Variants in GSK3B observed in about 807,000 individuals in gnomAD.
The protein encoded by GSK3B is glycogen synthase kinase 3 beta.
GSK3B carries 15 observed loss-of-function variants against 56.4 expected under a neutral mutation model. That is an observed-to-expected ratio of 0.27 (90% CI 0.18 to 0.41). The LOEUF is 0.41. Among genes scored for constraint, GSK3B ranks in the 10% least tolerant of loss-of-function variants. The pLI is 1.00. For synonymous variants in GSK3B, 181 were observed against 188.9 expected (o/e 0.96, Z 0.34); for missense variants, 300 against 513.4 (o/e 0.58, Z 4.02).
chr3:119,848,831 T>A (rs978729007), intron 9 of GSK3B, among the ~76,000 whole-genome samples: 2 of 152,222 alleles, frequency 1.3e-5, no homozygotes, highest in African/African-American at 2.4e-5. Flanking sequence ...CTGAGAAAAC[T>A]ATTCATTTTC....
chr3:119,966,546 G>C (rs1039471229), intron 2 of GSK3B, among the ~76,000 whole-genome samples: 1 of 152,176 alleles, frequency 6.6e-6, no homozygotes, highest in Admixed American at 6.5e-5. Context: ...ATGGAAAAGA[G>C]GCACAGGCAA....
intron 2 of GSK3B, among the ~76,000 whole-genome samples, chr3:119,952,495 AAAAAAAAAG>A (rs1247582442): frequency 6.7e-6 from 1 of 149,376 alleles, no homozygotes; most frequent in Non-Finnish European, 1.5e-5. Flanking sequence ...CTCAAAAAAA[AAAAAAAAAG>A]AAAAGAAAGA....
intron 8 of GSK3B, among the ~76,000 whole-genome samples, chr3:119,870,716 G>A (rs2056240390): frequency 6.6e-6 from 1 of 152,180 alleles, no homozygotes; most frequent in Non-Finnish European, 1.5e-5. Context: ...AGAACTTTCA[G>A]TAGAGAACAT....
chr3:119,863,922 T>C (rs2056142919), intron 8 of GSK3B, among the ~76,000 whole-genome samples: 1 of 152,208 alleles, frequency 6.6e-6, no homozygotes, highest in Non-Finnish European at 1.5e-5. Flanking sequence ...AAAAATATTT[T>C]TTAAATTTTA....
At chr3:119,922,228 G>GAGAAGGAAGGAAGGAA (rs1553733662) in intron 4 of GSK3B, among the ~76,000 whole-genome samples, 1 of 61,490 alleles carries the variant, frequency 1.6e-5, no homozygotes, top group African/African-American at 9.0e-5. Context: ...GAAGGAAGGA[G>GAGAAGGAAGGAAGGAA]GGAAGGAAGG....
At chr3:119,965,390 C>T (rs1050864337) in intron 2 of GSK3B, among the ~76,000 whole-genome samples, 3 of 147,520 alleles carry the variant, frequency 2.0e-5, no homozygotes, top group Non-Finnish European at 4.5e-5. Flanking sequence ...TTTATAGAGA[C>T]AAGGTCTCTA....
At chr3:119,911,386 C>A (rs543434434) in intron 6 of GSK3B, among the ~76,000 whole-genome samples, 2 of 152,278 alleles carry the variant, frequency 1.3e-5, no homozygotes, top group African/African-American at 4.8e-5. Flanking sequence ...ATACATTCAG[C>A]ATCATTCTTA....
chr3:119,864,050 A>G (rs1429788409), intron 8 of GSK3B, among the ~76,000 whole-genome samples: 1 of 152,196 alleles, frequency 6.6e-6, no homozygotes, highest in Non-Finnish European at 1.5e-5. Context: ...AACAGAAGAG[A>G]AAGAAGAGCT....
At chr3:119,956,782 G>A (rs1253740293) in intron 2 of GSK3B, among the ~76,000 whole-genome samples, 2 of 152,092 alleles carry the variant, frequency 1.3e-5, no homozygotes, top group African/African-American at 4.8e-5. Context: ...AGAAGAAAAG[G>A]AATCAATACA....
intron 3 of GSK3B, among the ~76,000 whole-genome samples, chr3:119,935,266 G>A (rs1576212047): frequency 6.6e-6 from 1 of 152,048 alleles, no homozygotes; most frequent in East Asian, 1.9e-4. Flanking sequence ...ACTTAGATAG[G>A]TAATCACTTT....
chr3:119,930,322 T>C (rs539382413), intron 3 of GSK3B, among the ~76,000 whole-genome samples: 25 of 152,172 alleles, frequency 1.6e-4, no homozygotes, highest in African/African-American at 5.8e-4. Flanking sequence ...TATGTAAAAG[T>C]GTGAAGCCAA....
intron 2 of GSK3B, among the ~76,000 whole-genome samples, chr3:119,991,474 T>C (rs923297217): frequency 1.3e-5 from 2 of 149,802 alleles, no homozygotes; most frequent in Non-Finnish European, 3.0e-5. Flanking sequence ...GTTTTCTTTT[T>C]ATCTTTGACC....
chr3:119,891,108 C>T (rs74675220), intron 7 of GSK3B, among the ~76,000 whole-genome samples: 3,925 of 151,796 alleles, frequency 0.026, 173 homozygotes, highest in African/African-American at 0.089. Flanking sequence ...GGTGAAAGTG[C>T]TACACTGCAC....
At chr3:120,026,501 A>G (rs2057925202) in intron 1 of GSK3B, among the ~76,000 whole-genome samples, 1 of 144,222 alleles carries the variant, frequency 6.9e-6, no homozygotes, top group African/African-American at 2.6e-5. Flanking sequence ...AAGCAATGCT[A>G]TACCGCCAAA....
intron 2 of GSK3B, among the ~76,000 whole-genome samples, chr3:119,952,600 C>T (rs1458760211): frequency 2.0e-5 from 3 of 147,138 alleles, no homozygotes; most frequent in Non-Finnish European, 4.5e-5. Context: ...CAGTTTGAAG[C>T]CACCAAAAAA....
At chr3:119,888,875 A>T (rs952841653) in intron 7 of GSK3B, among the ~76,000 whole-genome samples, 1 of 152,012 alleles carries the variant, frequency 6.6e-6, no homozygotes, top group Non-Finnish European at 1.5e-5. Context: ...TAAGGACTGA[A>T]ATCCGCCCTG....
chr3:119,995,473 T>C (rs561254358), intron 2 of GSK3B, among the ~76,000 whole-genome samples: 4 of 149,942 alleles, frequency 2.7e-5, no homozygotes, highest in African/African-American at 9.7e-5. Context: ...CAATAATTAT[T>C]TTTTTTTTTT....
intron 7 of GSK3B, among the ~76,000 whole-genome samples, chr3:119,904,824 G>C (rs1003572589): frequency 6.6e-6 from 1 of 152,052 alleles, no homozygotes; most frequent in South Asian, 2.1e-4. Context: ...CCTCTAAGGA[G>C]ATTTTTCAAT....
At chr3:119,982,651 G>A (rs1394781152) in intron 2 of GSK3B, among the ~76,000 whole-genome samples, 1 of 152,084 alleles carries the variant, frequency 6.6e-6, no homozygotes, top group African/African-American at 2.4e-5. Flanking sequence ...AAAGCGAGAA[G>A]GTTAGAGAAA....
Sources: allele counts gnomAD v4.1 joint callset (sites outside exome capture counted in the v4.1 genomes callset), GRCh38; gene constraint gnomAD v4.1.1; transcripts MANE v1.5; gene names NCBI Gene and HGNC (gene_info 2026-07-23, HGNC 2026-07-21).